The following DCAF8L2 variants were observed in gnomAD, a reference collection of about 807,000 sequenced individuals.
The protein encoded by DCAF8L2 is DDB1 and CUL4 associated factor 8 like 2.
For synonymous variants in DCAF8L2, 200 were observed against 190.9 expected, an observed-to-expected ratio of 1.05 and a Z score of -0.39; for missense variants, 430 against 490.7, an observed-to-expected ratio of 0.88 and a Z score of 1.17.
chrX:27,671,798 T>A (rs757905691), intron 2 of DCAF8L2, among the ~76,000 whole-genome samples: 240 of 112,006 alleles, frequency 2.1e-3, no homozygotes, highest in Non-Finnish European at 3.9e-3. Flanking sequence ...CACTTTCAAC[T>A]AAAATAATTC....
the DCAF8L2 span, among the ~76,000 whole-genome samples, chrX:27,497,577 T>TCAC: frequency 1.1e-5 from 1 of 93,924 alleles, no homozygotes; most frequent in Non-Finnish European, 2.0e-5. Flanking sequence ...TCTTTCTTTC[T>TCAC]TTCTTCTTTC....
chrX:27,642,144 C>A (rs922401046), intron 2 of DCAF8L2, among the ~76,000 whole-genome samples: 5 of 110,523 alleles, frequency 4.5e-5, no homozygotes, highest in African/African-American at 1.6e-4. Flanking sequence ...CCGCCCACCT[C>A]GGCCTCCCAA....
chrX:27,524,885 A>G, the DCAF8L2 span, among the ~76,000 whole-genome samples: 21 of 111,995 alleles, frequency 1.9e-4, no homozygotes, highest in South Asian at 7.4e-3. Context: ...TTGCATTGTG[A>G]TCTGAGAGAC....
intron 2 of DCAF8L2, among the ~76,000 whole-genome samples, chrX:27,665,018 C>T (rs1929692430): frequency 9.0e-6 from 1 of 111,031 alleles, no homozygotes; most frequent in Non-Finnish European, 1.9e-5. Context: ...TAACAACACC[C>T]ATTCTGCAGC....
At chrX:27,658,868 T>C (rs895908995) in intron 2 of DCAF8L2, among the ~76,000 whole-genome samples, 1 of 104,936 alleles carries the variant, frequency 9.5e-6, no homozygotes, top group African/African-American at 3.7e-5. Flanking sequence ...TACAAAAGTA[T>C]TTAGAAAAAG....
At chrX:27,746,741 T>G (rs981464641) in intron 4 of DCAF8L2, 97 bp from the exon 5 acceptor site, 1 of 482,588 alleles carries the variant, frequency 2.1e-6, no homozygotes, top group Non-Finnish European at 3.4e-6. Context: ...GAATAGTTTA[T>G]TTAGTCTCCT....
rs866341924 is a variant in DCAF8L2 at position 27,598,970 on chromosome X, A to T, written c.-342+8530A>T. 5.0e-3 allele frequency among the ~76,000 whole-genome samples: 415 copies of T among 82,250 alleles called. 1 individual carries two copies. The highest frequency in any genetic ancestry group is 0.017 in the African/African-American group (372 of 22,204). 71.4% of individuals were successfully genotyped at this position (82,250 alleles called of 115,157 possible). ...GATAGGAAAGTTTCTCAAAAAAAAAAAAAAATATATATATATATATATGAT... is the reference window on the plus strand; with the variant it reads ...GATAGGAAAGTTTCTCAAAAAAAAATAAAAATATATATATATATATATGAT... On this transcript the variant is annotated intron_variant, in intron 1 of 4. Transcript: ENST00000451261.
At chrX:27,518,903 T>A in the DCAF8L2 span, 4 of 565,232 alleles carry the variant, frequency 7.1e-6, no homozygotes, top group South Asian at 7.3e-5. Flanking sequence ...AATATTTCAT[T>A]TAATGACAAA....
At chrX:27,476,946 C>T in the DCAF8L2 span, among the ~76,000 whole-genome samples, 1 of 112,150 alleles carries the variant, frequency 8.9e-6, no homozygotes, top group South Asian at 3.7e-4. Flanking sequence ...AATTGTTGCA[C>T]TCATCTTTCT....
chrX:27,566,746 T>C, the DCAF8L2 span, among the ~76,000 whole-genome samples: 2 of 111,382 alleles, frequency 1.8e-5, no homozygotes, highest in Admixed American at 9.6e-5. Context: ...TCTTTATTGT[T>C]TCCTTTTTTC....
intron 2 of DCAF8L2, among the ~76,000 whole-genome samples, chrX:27,648,152 G>GA (rs1451207470): frequency 4.5e-5 from 5 of 110,083 alleles, no homozygotes; most frequent in Non-Finnish European, 7.6e-5. Context: ...AATGAGGGAG[G>GA]AAAAAAGGAT....
chrX:27,581,820 GT>G, the DCAF8L2 span, among the ~76,000 whole-genome samples: 3 of 112,061 alleles, frequency 2.7e-5, no homozygotes, highest in Non-Finnish European at 5.6e-5. Flanking sequence ...CTGACCTCAA[GT>G]GATCCGCCCA....
intron 3 of DCAF8L2, among the ~76,000 whole-genome samples, chrX:27,690,568 C>A (rs1384556238): frequency 9.1e-6 from 1 of 110,428 alleles, no homozygotes; most frequent in African/African-American, 3.3e-5. Context: ...TTAAGGTGAT[C>A]TTGCTGACAT....
chrX:27,575,359 G>A, the DCAF8L2 span, among the ~76,000 whole-genome samples: 8 of 111,651 alleles, frequency 7.2e-5, no homozygotes, highest in Admixed American at 1.9e-4. Context: ...CAGGATGGGG[G>A]TGTGGAGGGC....
intron 2 of DCAF8L2, among the ~76,000 whole-genome samples, chrX:27,666,563 A>G (rs1351154318): frequency 8.9e-6 from 1 of 112,258 alleles, no homozygotes; most frequent in Non-Finnish European, 1.9e-5. Flanking sequence ...AGATCTTTCT[A>G]ACTCAGAAAA....
chrX:27,527,169 C>T, the DCAF8L2 span, among the ~76,000 whole-genome samples: 1 of 112,186 alleles, frequency 8.9e-6, no homozygotes, highest in African/African-American at 3.2e-5. Context: ...GTGGTGGACT[C>T]CACCCAGTTT....
intron 3 of DCAF8L2, among the ~76,000 whole-genome samples, chrX:27,699,299 C>A (rs1931041425): frequency 9.0e-6 from 1 of 111,463 alleles, no homozygotes; most frequent in African/African-American, 3.3e-5. Context: ...ACAAAAAGGG[C>A]AAATGCCTTA....
chrX:27,556,086 A>G, the DCAF8L2 span, among the ~76,000 whole-genome samples: 1 of 111,518 alleles, frequency 9.0e-6, no homozygotes, highest in South Asian at 3.8e-4. Flanking sequence ...ACCTTCTCCA[A>G]TGAAGTCTGC....
the DCAF8L2 span, among the ~76,000 whole-genome samples, chrX:27,561,720 G>T: frequency 1.8e-5 from 2 of 111,022 alleles, no homozygotes; most frequent in Non-Finnish European, 3.8e-5. Context: ...CATTTTTAAG[G>T]TTCATACATG....
Sources: gnomAD v4.1 joint callset for allele counts (sites outside exome capture counted in the v4.1 genomes callset) on GRCh38, gnomAD v4.1.1 for gene constraint, MANE v1.5 for transcripts, NCBI Gene and HGNC (gene_info 2026-07-23, HGNC 2026-07-21) for gene names.